Variants in SCD5 observed in about 807,000 individuals in gnomAD.
SCD5 encodes the protein acyl-CoA-desaturase 4.
Under a neutral mutation model 30.4 loss-of-function variants are expected in SCD5, and 20 were observed. That is an observed-to-expected ratio of 0.66 (90% CI 0.46 to 0.96). SCD5 has a LOEUF of 0.96. Among genes scored for constraint, SCD5 ranks in the 40% least tolerant of loss-of-function variants. The pLI is 0.00. For synonymous variants in SCD5, 173 were observed against 176.4 expected (o/e 0.98, Z 0.16); for missense variants, 381 against 443.3 (o/e 0.86, Z 1.26).
chr4:82,698,847 T>C (rs115342102), intron 2 of SCD5, among the ~76,000 whole-genome samples: 2,176 of 152,334 alleles, frequency 0.014, 29 homozygotes, highest in Non-Finnish European at 0.025. Flanking sequence ...TGTTACTCTG[T>C]TTAATTCTTT....
intron 1 of SCD5, among the ~76,000 whole-genome samples, chr4:82,741,373 A>G (rs891613908): frequency 1.3e-5 from 2 of 152,098 alleles, no homozygotes; most frequent in Non-Finnish European, 2.9e-5. Flanking sequence ...CCCTCGAAAC[A>G]CTGCCATGCT....
At chr4:82,776,137 T>A (rs1047650238) in intron 1 of SCD5, 1 of 154,418 alleles carries the variant, frequency 6.5e-6, no homozygotes, top group Non-Finnish European at 1.4e-5. Flanking sequence ...GAAAAACTAT[T>A]CTCTGGAGAA....
intron 1 of SCD5, among the ~76,000 whole-genome samples, chr4:82,794,495 C>T (rs1414882805): frequency 6.6e-6 from 1 of 152,204 alleles, no homozygotes; most frequent in Non-Finnish European, 1.5e-5. Flanking sequence ...CACGTCCACA[C>T]AGTAACTGCA....
chr4:82,766,102 T>A (rs1272758455), intron 1 of SCD5, among the ~76,000 whole-genome samples: 1 of 152,260 alleles, frequency 6.6e-6, no homozygotes, highest in Non-Finnish European at 1.5e-5. Context: ...CTTGTATTTA[T>A]AGTTTGTTGA....
intron 3 of SCD5, among the ~76,000 whole-genome samples, chr4:82,677,204 A>C (rs1056205574): frequency 6.6e-6 from 1 of 152,220 alleles, no homozygotes; most frequent in Non-Finnish European, 1.5e-5. Flanking sequence ...CTGCACAAAC[A>C]TTGCACCCTG....
intron 3 of SCD5, among the ~76,000 whole-genome samples, chr4:82,678,340 G>A (rs1368868011): frequency 2.0e-5 from 3 of 151,916 alleles, no homozygotes; most frequent in East Asian, 1.9e-4. Context: ...CATACGTGCC[G>A]CCAATACACA....
intron 1 of SCD5, among the ~76,000 whole-genome samples, chr4:82,752,439 T>G (rs1721124899): frequency 1.3e-5 from 2 of 152,126 alleles, no homozygotes; most frequent in African/African-American, 4.8e-5. Context: ...GGCATCATTT[T>G]ACTTCTTCTA....
rs183007833 is a variant in SCD5, at chr4:82,761,415, T to C, written c.232+36891A>G. On this transcript the variant is annotated intron_variant, in intron 1 of 4. Transcript: ENST00000319540. ...CAAGGAGAGAACACTTTATAGCAAC[T>C]GATAGAGCCAGCTGAGCTGTTTCCA... Among the ~76,000 whole-genome samples the C allele has an allele frequency of 4.6e-3, 705 of 152,254 alleles. 2 individuals are homozygous for C. The highest frequency in any genetic ancestry group is 0.016 in the African/African-American group (675 of 41,536).
At chr4:82,676,216 C>T (rs115231763) in intron 3 of SCD5, among the ~76,000 whole-genome samples, 2,838 of 152,300 alleles carry the variant, frequency 0.019, 42 homozygotes, top group Non-Finnish European at 0.029. Flanking sequence ...ATAAAGGAAT[C>T]CCAGTTCTCT....
At chr4:82,781,698 G>T (rs1489619257) in intron 1 of SCD5, among the ~76,000 whole-genome samples, 2 of 152,082 alleles carry the variant, frequency 1.3e-5, no homozygotes, top group African/African-American at 4.8e-5. Flanking sequence ...GGATGAGGTG[G>T]GCTCCCTCTT....
intron 1 of SCD5, among the ~76,000 whole-genome samples, chr4:82,754,146 A>G (rs1281401810): frequency 6.6e-6 from 1 of 152,192 alleles, no homozygotes; most frequent in Non-Finnish European, 1.5e-5. Context: ...AGGAAAACTT[A>G]TCTCCCCGTT....
chr4:82,707,350 A>C (rs756825342), intron 1 of SCD5, among the ~76,000 whole-genome samples: 32 of 152,210 alleles, frequency 2.1e-4, no homozygotes, highest in Non-Finnish European at 2.6e-4. Context: ...TCAAGCCAAA[A>C]ACAAAAACAA....
rs77007639 is a variant in SCD5, at chr4:82,655,070, T to A, written c.570-18247A>T. Among the ~76,000 whole-genome samples, 76 of 152,308 alleles carry A rather than the reference T, an allele frequency of 5.0e-4. No homozygotes were observed. In the East Asian group the frequency reaches 0.01, roughly 20 times the overall value. Reference sequence around the variant, plus strand: ...CTTCTTCAAGGACCTCATCTTAACATTCCCTCTGAAATTGTGAATCCCCTT... The same window carrying A: ...CTTCTTCAAGGACCTCATCTTAACAATCCCTCTGAAATTGTGAATCCCCTT... On this transcript the variant is annotated intron_variant, in intron 3 of 4. Transcript: ENST00000319540.
rs904455822 is a variant in SCD5 at position 82,735,943 on chromosome 4, C to G, written c.233-30530G>C. Among the ~76,000 whole-genome samples the G allele has an allele frequency of 3.3e-5, 5 of 152,158 alleles. No homozygotes were observed. The South Asian group carries it at 1.0e-3, about 32-fold the overall frequency. On this transcript the variant is annotated intron_variant, in intron 1 of 4. Coordinates refer to ENST00000319540, the MANE Select transcript of SCD5 (RefSeq NM_001037582.3). ...ACTTGTCAATGATGTTAAGTGAGGA[C>G]TTACTGTATTTTATATCAGCCTTTC...
At chr4:82,689,910 T>TTA (rs1728794544) in intron 2 of SCD5, among the ~76,000 whole-genome samples, 1 of 152,160 alleles carries the variant, frequency 6.6e-6, no homozygotes, top group Non-Finnish European at 1.5e-5. Context: ...AATGCAGAGT[T>TTA]TGAGTCTAAT....
intron 2 of SCD5, among the ~76,000 whole-genome samples, chr4:82,681,264 T>G (rs1728567409): frequency 6.6e-6 from 1 of 152,138 alleles, no homozygotes. Flanking sequence ...AGAGATCTTT[T>G]TTGTGGCTGC....
chr4:82,679,199 CA>C (rs35560907), intron 3 of SCD5, among the ~76,000 whole-genome samples: 10,242 of 23,246 alleles, frequency 0.44, 2,267 homozygotes, highest in Middle Eastern at 0.62. Flanking sequence ...ACTCCATCTC[CA>C]AAAAAAAAAA....
At chr4:82,733,087 G>A (rs1481551127) in intron 1 of SCD5, among the ~76,000 whole-genome samples, 2 of 152,142 alleles carry the variant, frequency 1.3e-5, no homozygotes, top group East Asian at 1.9e-4. Flanking sequence ...GGGGTTAAGC[G>A]CTATTCATAT....
At chr4:82,781,920 T>C (rs1721883883) in intron 1 of SCD5, among the ~76,000 whole-genome samples, 1 of 152,122 alleles carries the variant, frequency 6.6e-6, no homozygotes, top group Non-Finnish European at 1.5e-5. Context: ...TCATCAGACC[T>C]CATCACCCTG....
Sources: allele counts gnomAD v4.1 joint callset (sites outside exome capture counted in the v4.1 genomes callset), GRCh38; gene constraint gnomAD v4.1.1; transcripts MANE v1.5; gene names NCBI Gene and HGNC (gene_info 2026-07-23, HGNC 2026-07-21).